The following DRG1 variants were observed in gnomAD, a reference collection of about 807,000 sequenced individuals.
DRG1 encodes developmentally-regulated GTP-binding protein 1.
A neutral mutation model predicts 38.8 loss-of-function variants in DRG1; 19 were observed. The observed-to-expected ratio is 0.49, with a 90% CI of 0.34 to 0.72. The LOEUF is 0.72. DRG1 is among the 30% of genes least tolerant of loss of function. The pLI is 0.01. For synonymous variants in DRG1, 167 were observed against 157.5 expected, an observed-to-expected ratio of 1.06 and a Z score of -0.45; for missense variants, 299 against 444.8, an observed-to-expected ratio of 0.67 and a Z score of 2.95.
chr22:31,420,090 T>C (rs1697444759), intron 4 of DRG1, among the ~76,000 whole-genome samples, 166 bp from the exon 5 acceptor site: 1 of 152,196 alleles, frequency 6.6e-6, no homozygotes. Flanking sequence ...AATTGACTTC[T>C]GGTATAAATC....
In DRG1 at chr22:31,410,947, T is replaced by G. The variant is rs909219973; in HGVS notation, c.343-65T>G. 1.4e-5 allele frequency: 22 copies of G among 1,525,532 alleles called. No individual in the cohort carries two copies. In the Admixed American group the frequency reaches 3.8e-4, roughly 26 times the overall value. 94.5% of individuals were successfully genotyped at this position (1,525,532 alleles called of 1,614,324 possible). Reference sequence around the variant, plus strand: ...TACTTGAGAAATAAATTAATTCTGTTTGATATTTTCAAATTTATAACCAGT... The same window carrying G: ...TACTTGAGAAATAAATTAATTCTGTGTGATATTTTCAAATTTATAACCAGT... On this transcript the variant is annotated intron_variant, in intron 3 of 8. Coordinates refer to ENST00000331457, the MANE Select transcript of DRG1 (RefSeq NM_004147.4).
chr22:31,416,392 G>A (rs771798663), intron 4 of DRG1, among the ~76,000 whole-genome samples: 6 of 152,286 alleles, frequency 3.9e-5, no homozygotes, highest in South Asian at 2.1e-4. Flanking sequence ...TACAAGCTAC[G>A]GTAAATGACC....
rs778642133 is a variant in DRG1 at position 31,410,970 on chromosome 22, A to G, written c.343-42A>G. 8.8e-6 allele frequency: 14 copies of G among 1,596,572 alleles called. No individual in the cohort carries two copies. The East Asian group carries it at 2.0e-4, about 23-fold the overall frequency. On this transcript the variant is annotated intron_variant, in intron 3 of 8. Coordinates refer to ENST00000331457, the MANE Select transcript of DRG1 (RefSeq NM_004147.4). ...GTTTGATATTTTCAAATTTATAACCAGTTTTTTCTTTCATCCTCTTCCCCC... is the reference window on the plus strand; with the variant it reads ...GTTTGATATTTTCAAATTTATAACCGGTTTTTTCTTTCATCCTCTTCCCCC...
At chr22:31,433,760 T>G in intron 8 of DRG1, 112 bp from the exon 9 acceptor site, 1 of 857,680 alleles carries the variant, frequency 1.2e-6, no homozygotes, top group Non-Finnish European at 1.8e-6. Flanking sequence ...TTTGTAGGTC[T>G]ATGGTTCTTA....
chr22:31,415,931 T>C (rs916384498), intron 4 of DRG1, among the ~76,000 whole-genome samples: 1 of 152,164 alleles, frequency 6.6e-6, no homozygotes, highest in African/African-American at 2.4e-5. Context: ...CATTATGCCT[T>C]GTCTCTAACA....
chr22:31,426,875 C>T (rs2050114175), intron 7 of DRG1, 93 bp downstream of exon 7: 1 of 1,525,300 alleles, frequency 6.6e-7, no homozygotes, highest in Non-Finnish European at 8.8e-7. Flanking sequence ...AAATCTGGCT[C>T]TTTTTGAAAA....
At chr22:31,415,286 A>T (rs1364415101) in intron 4 of DRG1, among the ~76,000 whole-genome samples, 1 of 152,186 alleles carries the variant, frequency 6.6e-6, no homozygotes, top group Non-Finnish European at 1.5e-5. Context: ...TATTAGCTAC[A>T]CTTGACTAGT....
At chr22:31,414,380 A>G (rs2050033375) in intron 4 of DRG1, among the ~76,000 whole-genome samples, 1 of 152,122 alleles carries the variant, frequency 6.6e-6, no homozygotes, top group South Asian at 2.1e-4. Flanking sequence ...CGGGAGGATC[A>G]CTTGAGCTCA....
intron 6 of DRG1, among the ~76,000 whole-genome samples, chr22:31,424,374 C>G (rs1331304851): frequency 6.6e-6 from 1 of 151,888 alleles, no homozygotes; most frequent in Admixed American, 6.6e-5. Flanking sequence ...TGGTCTCAAA[C>G]TCCTGACCTC....
intron 8 of DRG1, among the ~76,000 whole-genome samples, chr22:31,432,658 C>G (rs994841701): frequency 1.3e-5 from 2 of 152,116 alleles, no homozygotes; most frequent in Admixed American, 1.3e-4. Context: ...GATCTCTTGA[C>G]CTCATGATCC....
At chr22:31,402,401 A>G (rs1178815621) in intron 2 of DRG1, among the ~76,000 whole-genome samples, 1 of 152,118 alleles carries the variant, frequency 6.6e-6, no homozygotes, top group Non-Finnish European at 1.5e-5. Flanking sequence ...TATTTTAGTT[A>G]TAAAAGGGCA....
At chr22:31,432,520 G>A (rs1422717481) in intron 8 of DRG1, among the ~76,000 whole-genome samples, 1 of 151,690 alleles carries the variant, frequency 6.6e-6, no homozygotes, top group African/African-American at 2.4e-5. Flanking sequence ...CCGCCTCCCA[G>A]GTTCAAGCGA....
chr22:31,399,837 C>T, intron 1 of DRG1, 112 bp downstream of exon 1: 1 of 1,508,838 alleles, frequency 6.6e-7, no homozygotes, highest in Admixed American at 1.7e-5. Context: ...GATTCCGCGA[C>T]TTCTCTCAGC....
At chr22:31,421,944 G>GT (rs1188945400) in intron 5 of DRG1, among the ~76,000 whole-genome samples, 2 of 151,736 alleles carry the variant, frequency 1.3e-5, no homozygotes, top group African/African-American at 4.8e-5. Flanking sequence ...GTGAAACCCT[G>GT]TATCTACTAA....
At position 31,418,074 on chromosome 22, in the gene DRG1, A is replaced by G. The variant is rs146775495; in HGVS notation, c.413-2182A>G. On this transcript the variant is annotated intron_variant, in intron 4 of 8. Transcript: ENST00000331457. ...CACTTTGGGAGGCCGAGGTGGGCAG[A>G]TCATGAGGTCAGGAGTTCAAGACCA... Among the ~76,000 whole-genome samples, 964 of 152,120 alleles carry G rather than the reference A, an allele frequency of 6.3e-3. 11 individuals are homozygous for G. The highest frequency in any genetic ancestry group is 0.022 in the African/African-American group (921 of 41,524).
chr22:31,430,526 A>C (rs2050133053), intron 8 of DRG1, among the ~76,000 whole-genome samples: 1 of 151,590 alleles, frequency 6.6e-6, no homozygotes, highest in African/African-American at 2.4e-5. Flanking sequence ...CAGCCTCCTG[A>C]GTAGCTGGGA....
chr22:31,430,154 C>T (rs2050131128), intron 8 of DRG1, among the ~76,000 whole-genome samples: 1 of 152,168 alleles, frequency 6.6e-6, no homozygotes, highest in Non-Finnish European at 1.5e-5. Context: ...CAAGGAGCCC[C>T]AGTTTTCAAG....
chr22:31,422,714 TTTAAGA>T (rs1407668409), intron 5 of DRG1, among the ~76,000 whole-genome samples: 6 of 151,312 alleles, frequency 4.0e-5, no homozygotes, highest in African/African-American at 1.4e-4. Context: ...AATTTGAACA[TTTAAGA>T]TTATTTCTGT....
intron 8 of DRG1, among the ~76,000 whole-genome samples, chr22:31,430,107 T>C (rs2050130971): frequency 6.6e-6 from 1 of 152,204 alleles, no homozygotes; most frequent in African/African-American, 2.4e-5. Flanking sequence ...ATGACATTGA[T>C]TTTGCCTGCA....
Sources: allele counts gnomAD v4.1 joint callset (sites outside exome capture counted in the v4.1 genomes callset), GRCh38; gene constraint gnomAD v4.1.1; transcripts MANE v1.5; gene names NCBI Gene and HGNC (gene_info 2026-07-23, HGNC 2026-07-21).